The following TMEM266 variants were observed in gnomAD, a reference collection of about 807,000 sequenced individuals.
TMEM266 encodes the protein transmembrane protein 266.
Under a neutral mutation model 50.5 loss-of-function variants are expected in TMEM266, and 33 were observed. The observed-to-expected ratio is 0.65, with a 90% CI of 0.50 to 0.87. TMEM266 has a LOEUF of 0.87. Among genes scored for constraint, TMEM266 ranks in the 40% least tolerant of loss-of-function variants. The pLI is 0.00. For missense variants in TMEM266, 655 were observed against 695.1 expected (o/e 0.94, Z 0.65); for synonymous variants, 310 against 292.3 (o/e 1.06, Z -0.62).
At chr15:76,079,222 A>G (rs2036648176) in intron 1 of TMEM266, among the ~76,000 whole-genome samples, 1 of 150,728 alleles carries the variant, frequency 6.6e-6, no homozygotes, top group Non-Finnish European at 1.5e-5. Context: ...GCGTGGTGGC[A>G]CACGCCTGTA....
intron 8 of TMEM266, among the ~76,000 whole-genome samples, chr15:76,183,192 T>C (rs1245257610): frequency 7.3e-6 from 1 of 136,416 alleles, no homozygotes; most frequent in African/African-American, 2.7e-5. Context: ...CTCGGCTCAC[T>C]GCAACCTCTG....
At chr15:76,180,173 C>T (rs2038376321) in intron 8 of TMEM266, among the ~76,000 whole-genome samples, 1 of 152,184 alleles carries the variant, frequency 6.6e-6, no homozygotes, top group African/African-American at 2.4e-5. Context: ...TCATTAACAT[C>T]ATACACTAGT....
chr15:76,084,598 G>GTTTTT (rs111324062), intron 1 of TMEM266, among the ~76,000 whole-genome samples: 72 of 87,666 alleles, frequency 8.2e-4, no homozygotes, highest in African/African-American at 2.6e-3. Flanking sequence ...GTTTTTTTTG[G>GTTTTT]TTTTTTTTTT....
chr15:76,116,741 T>C (rs2037252442), intron 1 of TMEM266, among the ~76,000 whole-genome samples: 2 of 152,124 alleles, frequency 1.3e-5, no homozygotes, highest in African/African-American at 4.8e-5. Context: ...TTTCTGTACA[T>C]AGGGATTGTC....
chr15:76,075,835 A>G (rs2036597612), intron 1 of TMEM266, among the ~76,000 whole-genome samples: 1 of 82,688 alleles, frequency 1.2e-5, no homozygotes, highest in African/African-American at 4.3e-5. Flanking sequence ...AAGAGAAGGC[A>G]GCTTTTTTTT....
At chr15:76,202,335 C>T in intron 10 of TMEM266, 71 bp downstream of exon 10, 1 of 1,415,058 alleles carries the variant, frequency 7.1e-7, no homozygotes, top group Non-Finnish European at 9.8e-7. Context: ...GACAACTCGG[C>T]CTGGCTTCAA....
At chr15:76,064,294 G>T (rs2036368685) in intron 1 of TMEM266, among the ~76,000 whole-genome samples, 1 of 152,166 alleles carries the variant, frequency 6.6e-6, no homozygotes, top group Non-Finnish European at 1.5e-5. Context: ...TTGAGCCAGG[G>T]TCTGAGAGTT....
chr15:76,087,203 G>T (rs536891492), intron 1 of TMEM266, among the ~76,000 whole-genome samples: 1 of 152,132 alleles, frequency 6.6e-6, no homozygotes, highest in African/African-American at 2.4e-5. Context: ...TGGAAGTGGT[G>T]TGGAGAAGGC....
intron 1 of TMEM266, among the ~76,000 whole-genome samples, chr15:76,080,733 A>G (rs1031794007): frequency 2.0e-5 from 3 of 151,842 alleles, no homozygotes; most frequent in Non-Finnish European, 4.4e-5. Flanking sequence ...GTAACTCTGT[A>G]TGGACACGCC....
intron 9 of TMEM266, among the ~76,000 whole-genome samples, chr15:76,200,087 A>G (rs1189583364): frequency 6.6e-6 from 1 of 152,182 alleles, no homozygotes; most frequent in Admixed American, 6.5e-5. Flanking sequence ...CTCCCCGCAG[A>G]CAGGGACTCC....
Position 76,160,913 on chromosome 15 carries a change from G to A in TMEM266, c.456+745G>A, listed in dbSNP as rs948086186. Among the ~76,000 whole-genome samples the A allele has an allele frequency of 9.9e-5, 15 of 152,158 alleles. No homozygotes were observed. The highest frequency in any genetic ancestry group is 2.1e-4 in the South Asian group (1 of 4,824). On this transcript the variant is annotated intron_variant, in intron 5 of 10. Coordinates refer to ENST00000388942, the MANE Select transcript of TMEM266 (RefSeq NM_152335.3). The surrounding 1 kb of genome is among the most constrained non-coding windows in gnomAD (Gnocchi z 5.7). ...GCACATTCCTCTGTTTTTTCATGGC[G>A]GTGAGTGACACTTCCTTTGAGCAGT...
intron 1 of TMEM266, among the ~76,000 whole-genome samples, chr15:76,075,984 G>A (rs1012802600): frequency 6.7e-6 from 1 of 150,138 alleles, no homozygotes; most frequent in African/African-American, 2.5e-5. Context: ...AACCCCCCGA[G>A]TAGCTGGGAC....
intron 4 of TMEM266, among the ~76,000 whole-genome samples, chr15:76,158,287 C>T (rs2037958606): frequency 6.6e-6 from 1 of 152,220 alleles, no homozygotes; most frequent in Admixed American, 6.5e-5. Context: ...GGGTTTTATG[C>T]AGCTGGTGGC....
intron 2 of TMEM266, among the ~76,000 whole-genome samples, chr15:76,134,716 C>T (rs2037564127): frequency 6.6e-6 from 1 of 152,230 alleles, no homozygotes. Flanking sequence ...CATTCTATTA[C>T]ACCACACTGT....
intron 8 of TMEM266, among the ~76,000 whole-genome samples, chr15:76,187,703 G>A (rs1194287294): frequency 3.3e-5 from 5 of 152,324 alleles, no homozygotes; most frequent in East Asian, 3.9e-4. Context: ...GACCAGCATC[G>A]GGCTCAGTGT....
At chr15:76,188,037 G>A (rs889342206) in intron 8 of TMEM266, among the ~76,000 whole-genome samples, 4 of 152,108 alleles carry the variant, frequency 2.6e-5, no homozygotes, top group African/African-American at 4.8e-5. Flanking sequence ...CCCCCAGGGC[G>A]TCTTGTTGGT....
chr15:76,141,403 T>C (rs1490017831), intron 3 of TMEM266, among the ~76,000 whole-genome samples: 1 of 145,814 alleles, frequency 6.9e-6, no homozygotes, highest in East Asian at 1.9e-4. Context: ...GCCCAGCTAA[T>C]TTTTTTTTTC....
intron 5 of TMEM266, among the ~76,000 whole-genome samples, chr15:76,166,234 G>C (rs543917108): frequency 2.6e-5 from 4 of 151,928 alleles, no homozygotes; most frequent in Non-Finnish European, 4.4e-5. Flanking sequence ...AGGATGCTGC[G>C]GGGGGGAAAA....
chr15:76,184,774 C>T (rs1211319404), intron 8 of TMEM266, among the ~76,000 whole-genome samples: 1 of 152,310 alleles, frequency 6.6e-6, no homozygotes, highest in East Asian at 1.9e-4. Flanking sequence ...AGCCCGGCCC[C>T]GATGGAAGGG....
Sources: gnomAD v4.1 joint callset for allele counts (sites outside exome capture counted in the v4.1 genomes callset) on GRCh38, gnomAD v4.1.1 for gene constraint, Gnocchi (gnomAD v3.1) non-coding constraint, MANE v1.5 for transcripts, NCBI Gene and HGNC (gene_info 2026-07-23, HGNC 2026-07-21) for gene names.